The following KIZ variants were observed in gnomAD, a reference collection of about 807,000 sequenced individuals.
KIZ encodes centrosomal protein kizuna.
Under a neutral mutation model 79.6 loss-of-function variants are expected in KIZ, and 68 were observed. That is an observed-to-expected ratio of 0.85 (90% confidence interval 0.70 to 1.05). The LOEUF (loss-of-function observed/expected upper bound fraction) is 1.05, where lower values mean the gene tolerates loss of function less well. Among genes scored for constraint, KIZ ranks in the 50% least tolerant of loss-of-function variants. KIZ has a pLI of 0.00. For synonymous variants in KIZ, 280 were observed against 281.8 expected, an observed-to-expected ratio of 0.99 and a Z score of 0.06; for missense variants, 797 against 800.4, an observed-to-expected ratio of 1.00 and a Z score of 0.05.
At chr20:21,214,354 A>G (rs1019462507) in intron 7 of KIZ, among the ~76,000 whole-genome samples, 181 bp from the exon 8 acceptor site, 1 of 152,202 alleles carries the variant, frequency 6.6e-6, no homozygotes, top group African/African-American at 2.4e-5. Flanking sequence ...GAATTAGATT[A>G]TAGTAGAAAA....
intron 6 of KIZ, among the ~76,000 whole-genome samples, chr20:21,184,402 G>A (rs1169479688): frequency 1.3e-5 from 2 of 152,030 alleles, no homozygotes; most frequent in East Asian, 1.9e-4. Context: ...CCACCTGCTC[G>A]GCCTCCCAAA....
intron 4 of KIZ, among the ~76,000 whole-genome samples, chr20:21,157,766 G>A (rs566545164): frequency 6.6e-6 from 1 of 152,308 alleles, no homozygotes; most frequent in African/African-American, 2.4e-5. Context: ...TCTGAAATGT[G>A]CCTTCTTTTG....
chr20:21,244,606 C>G, intron 12 of KIZ: 1 of 307,960 alleles, frequency 3.2e-6, no homozygotes, highest in Non-Finnish European at 6.0e-6. Flanking sequence ...TCTTGCCTCT[C>G]TCCTCATCCT....
At chr20:21,146,526 A>C (rs1393741994) in intron 4 of KIZ, among the ~76,000 whole-genome samples, 3 of 152,198 alleles carry the variant, frequency 2.0e-5, no homozygotes, top group African/African-American at 7.2e-5. Context: ...ATCAACTGCT[A>C]CTTTACTAAA....
intron 6 of KIZ, among the ~76,000 whole-genome samples, chr20:21,171,762 C>T (rs558250486): frequency 5.1e-4 from 78 of 152,196 alleles, no homozygotes; most frequent in African/African-American, 1.8e-3. Context: ...ATATGACTTT[C>T]GAGGTTGAGT....
intron 4 of KIZ, among the ~76,000 whole-genome samples, chr20:21,160,597 TTG>T (rs1367629951): frequency 1.3e-5 from 2 of 152,188 alleles, no homozygotes; most frequent in Non-Finnish European, 2.9e-5. Flanking sequence ...CTCCTAATTA[TTG>T]GAGGGGTACT....
chr20:21,169,172 G>A (rs988184196), intron 6 of KIZ, among the ~76,000 whole-genome samples: 17 of 152,060 alleles, frequency 1.1e-4, no homozygotes, highest in African/African-American at 3.6e-4. Context: ...GAAAATTTTT[G>A]CAACCTACTC....
chr20:21,188,960 G>A (rs772381065), intron 6 of KIZ, among the ~76,000 whole-genome samples: 5 of 151,838 alleles, frequency 3.3e-5, no homozygotes, highest in African/African-American at 1.2e-4. Flanking sequence ...CACCTGCCTC[G>A]GCCTCCCAAA....
Position 21,162,497 on chromosome 20 carries a change from A to G in KIZ, c.1032A>G (p.Glu344=). The G allele has an allele frequency of 6.2e-7, 1 of 1,610,098 alleles. No homozygotes were observed. The highest frequency in any genetic ancestry group is 8.5e-7 in the Non-Finnish European group (1 of 1,177,542). ...CTCAAGAGAAGCATTCTCCTTGGGA[A>G]GGTGTTTCAGGTGGGATGAGAGGCT... The part of the protein sequence containing the change: ...KWSQEKHSPW[E]GVSDHLAHRE... Residue 344 remains glutamate (E), a synonymous_variant, in exon 5 of 13, where the codon GAA becomes GAG. Coordinates refer to ENST00000619189, the MANE Select transcript of KIZ (RefSeq NM_018474.6).
At chr20:21,147,961 TTGTGTGTGTGTGTGTG>T (rs61333547) in intron 4 of KIZ, among the ~76,000 whole-genome samples, 6 of 141,136 alleles carry the variant, frequency 4.3e-5, no homozygotes, top group Middle Eastern at 3.5e-3. Context: ...CTCCTGGAAT[TTGTGTGTGTGTGTGTG>T]TGTGTGTGTG....
chr20:21,223,685 T>C (rs1324667950), intron 9 of KIZ, among the ~76,000 whole-genome samples: 4 of 149,328 alleles, frequency 2.7e-5, no homozygotes, highest in East Asian at 3.9e-4. Context: ...TTTTTTTTTT[T>C]CAGAGATGGA....
intron 6 of KIZ, among the ~76,000 whole-genome samples, chr20:21,192,714 ATTGGG>A (rs1372020171): frequency 6.6e-6 from 1 of 152,154 alleles, no homozygotes; most frequent in Non-Finnish European, 1.5e-5. Context: ...CCAGTAACCC[ATTGGG>A]GTATGGATAC....
chr20:21,233,886 A>G (rs1354390893), intron 11 of KIZ, among the ~76,000 whole-genome samples: 1 of 152,202 alleles, frequency 6.6e-6, no homozygotes, highest in Non-Finnish European at 1.5e-5. Flanking sequence ...TTCAGAAGTT[A>G]TTATTTTTAA....
At chr20:21,166,689 C>A (rs1242265748) in intron 6 of KIZ, 1 of 635,124 alleles carries the variant, frequency 1.6e-6, no homozygotes, top group Admixed American at 2.8e-5. Context: ...TACTCCCTAC[C>A]TCAGGTGATC....
intron 1 of KIZ, among the ~76,000 whole-genome samples, chr20:21,131,700 A>G (rs1162071813): frequency 6.6e-6 from 1 of 152,218 alleles, no homozygotes; most frequent in African/African-American, 2.4e-5. Flanking sequence ...CTAGTTCGCC[A>G]TATTAGTCTC....
In KIZ at chr20:21,163,100, G is replaced by T; in HGVS notation, c.1293G>T (p.Leu431Phe). The stretch of plus-strand genomic sequence containing the variant: ...TATCCACTGAAAAAAATTGTATTTT[G>T]CAAACCCTAAGCTCTCCTGATTCAG... ...VALSTEKNCI[L>F]QTLSSPDSEK... Residue 431 changes from leucine (L) to phenylalanine (F), a missense_variant, in exon 6 of 13, where the codon TTG (leucine) becomes TTT (phenylalanine). Coordinates refer to ENST00000619189, the MANE Select transcript of KIZ (RefSeq NM_018474.6). 1 of 1,613,762 alleles carries T rather than the reference G, an allele frequency of 6.2e-7. No individual in the cohort carries two copies. Among genetic ancestry groups the T allele is most frequent in the South Asian group, 1.1e-5 (1 of 91,072 alleles).
intron 3 of KIZ, chr20:21,139,110 G>C (rs1199720417): frequency 1.4e-5 from 2 of 145,492 alleles, no homozygotes; most frequent in African/African-American, 5.1e-5. Context: ...TGATGGACTT[G>C]TGAATTTCTA....
At chr20:21,221,726 G>A (rs1276383330) in intron 9 of KIZ, among the ~76,000 whole-genome samples, 1 of 152,176 alleles carries the variant, frequency 6.6e-6, no homozygotes, top group Non-Finnish European at 1.5e-5. Flanking sequence ...TCTAGGCAGT[G>A]CTTCCCAAAA....
intron 1 of KIZ, among the ~76,000 whole-genome samples, chr20:21,127,269 T>C (rs1408656099): frequency 2.0e-5 from 3 of 152,204 alleles, no homozygotes; most frequent in Non-Finnish European, 4.4e-5. Flanking sequence ...CGCTCACCCA[T>C]ATCAGTGACC....
Sources: allele counts gnomAD v4.1 joint callset (sites outside exome capture counted in the v4.1 genomes callset), GRCh38; gene constraint gnomAD v4.1.1; transcripts MANE v1.5; gene names NCBI Gene and HGNC (gene_info 2026-07-23, HGNC 2026-07-21).